ADCYAP1R1: variants seen among roughly 807,000 people sequenced by gnomAD.
ADCYAP1R1 encodes pituitary adenylate cyclase-activating polypeptide type I receptor.
Under a neutral mutation model 67.6 loss-of-function variants are expected in ADCYAP1R1, and 44 were observed. The ratio of observed to expected loss-of-function variants is 0.65; its 90% CI spans 0.51 to 0.84. The LOEUF (loss-of-function observed/expected upper bound fraction) is 0.84, where lower values mean the gene tolerates loss of function less well. Ranked by LOEUF, ADCYAP1R1 falls within the 40% of genes least tolerant of loss-of-function variation. The probability of loss-of-function intolerance (pLI) is 0.00; values close to 1 mark genes in which losing one functional copy is unlikely to be tolerated. For synonymous variants in ADCYAP1R1, 222 were observed against 219.6 expected (o/e 1.01, Z -0.10); for missense variants, 477 against 587.9 (o/e 0.81, Z 1.95).
chr7:31,068,800 C>G (rs530622300), intron 3 of ADCYAP1R1, among the ~76,000 whole-genome samples: 1 of 152,258 alleles, frequency 6.6e-6, no homozygotes, highest in African/African-American at 2.4e-5. Context: ...GGACTCCCCT[C>G]AAGGGCCTCA....
chr7:31,100,524 A>G (rs1310529385), intron 13 of ADCYAP1R1, among the ~76,000 whole-genome samples: 1 of 152,088 alleles, frequency 6.6e-6, no homozygotes, highest in African/African-American at 2.4e-5. Flanking sequence ...TCTGAGCTTC[A>G]GTGTTTTCAA....
intron 1 of ADCYAP1R1, among the ~76,000 whole-genome samples, chr7:31,056,013 G>C (rs566080147): frequency 6.6e-6 from 1 of 152,314 alleles, no homozygotes; most frequent in South Asian, 2.1e-4. Context: ...CAGTTCCTGA[G>C]CCCCCTTCAC....
In ADCYAP1R1 at chr7:31,078,955, G is replaced by A. The variant is rs1390795711; in HGVS notation, c.265+857G>A. ...GGGCATATCTGTGTTTGAGGTCTCTGAGGGCCACTGAAGTGCTGTGGAGAT... is the reference window on the plus strand; with the variant it reads ...GGGCATATCTGTGTTTGAGGTCTCTAAGGGCCACTGAAGTGCTGTGGAGAT... On this transcript the variant is annotated intron_variant, in intron 4 of 15. Coordinates refer to ENST00000304166, the MANE Select transcript of ADCYAP1R1 (RefSeq NM_001118.5). Among the ~76,000 whole-genome samples, 3 of 152,212 alleles carry A rather than the reference G, an allele frequency of 2.0e-5. No individual in the cohort carries two copies. The East Asian group carries it at 5.8e-4, about 29-fold the overall frequency.
intron 8 of ADCYAP1R1, 42 bp downstream of exon 8, chr7:31,084,876 C>G (rs776252221): frequency 5.7e-6 from 9 of 1,576,418 alleles, no homozygotes; most frequent in Non-Finnish European, 7.9e-6. Flanking sequence ...CAGAGCTGGC[C>G]AGGGCCTCAG....
At chr7:31,080,751 TCA>T (rs1174027099) in intron 5 of ADCYAP1R1, 118 bp downstream of exon 5, 1 of 1,020,654 alleles carries the variant, frequency 9.8e-7, no homozygotes, top group Non-Finnish European at 1.5e-6. Flanking sequence ...AGTAAGAGGC[TCA>T]CTGGGTATCA....
chr7:31,064,916 G>C lies in ADCYAP1R1; in HGVS notation c.137G>C (p.Gly46Ala), dbSNP rs1045144334. ...EKIQRANELM[G>A]FNDSSPGCPG... ...ATCCAGAGGGCCAATGAGCTGATGG[G>C]CTTCAATGATTCCTCTCCAGGTGAG... is the stretch of plus-strand genomic sequence containing the variant. Residue 46 changes from glycine to alanine, a missense_variant, in exon 3 of 16, where the codon GGC becomes GCC. Coordinates refer to ENST00000304166, the MANE Select transcript of ADCYAP1R1 (RefSeq NM_001118.5). 6.2e-7 allele frequency: 1 copy of C among 1,610,466 alleles called. No individual in the cohort carries two copies. The highest frequency in any genetic ancestry group is 1.7e-5 in the Admixed American group (1 of 59,796).
intron 3 of ADCYAP1R1, among the ~76,000 whole-genome samples, chr7:31,065,807 C>T (rs891708711): frequency 6.6e-6 from 1 of 152,194 alleles, no homozygotes; most frequent in Non-Finnish European, 1.5e-5. Flanking sequence ...AAGGGTAGGG[C>T]TCTCTGCTCA....
At chr7:31,085,188 T>C in intron 8 of ADCYAP1R1, 122 bp from the exon 9 acceptor site, 2 of 1,340,774 alleles carry the variant, frequency 1.5e-6, no homozygotes, top group South Asian at 2.8e-5. Flanking sequence ...GGAAGGAGGG[T>C]GGCCTGGGTG....
intron 3 of ADCYAP1R1, among the ~76,000 whole-genome samples, chr7:31,077,258 T>C (rs1383737380): frequency 1.3e-5 from 2 of 151,918 alleles, no homozygotes; most frequent in African/African-American, 4.8e-5. Flanking sequence ...TGTACATGTG[T>C]GATGTGTGTG....
rs1375592292 is a variant in ADCYAP1R1 at position 31,085,376 on chromosome 7, C to T, written c.603C>T (p.Ile201=). 1.9e-6 allele frequency: 3 copies of T among 1,613,964 alleles called. No individual in the cohort carries two copies. The highest frequency in any genetic ancestry group is 2.5e-6 in the Non-Finnish European group (3 of 1,180,020). ...NLFVSFMLRA[I]SVFIKDWILY... ...TTGTGTCGTTCATGCTGAGGGCGAT[C>T]TCCGTCTTCATCAAAGACTGGATTC... Residue 201 remains isoleucine (I), a synonymous_variant, in exon 9 of 16, where the codon ATC becomes ATT. Transcript: ENST00000304166.
intron 3 of ADCYAP1R1, among the ~76,000 whole-genome samples, chr7:31,070,291 C>T (rs1231607670): frequency 1.3e-5 from 2 of 152,226 alleles, no homozygotes; most frequent in Non-Finnish European, 2.9e-5. Context: ...CAGAAACCTT[C>T]CCTGCATCTA....
At chr7:31,077,695 G>GAT (rs1418874685) in intron 3 of ADCYAP1R1, among the ~76,000 whole-genome samples, 21 of 147,668 alleles carry the variant, frequency 1.4e-4, no homozygotes, top group African/African-American at 4.8e-4. Context: ...TGGTGTGTGT[G>GAT]GTGTGTGTGA....
intron 3 of ADCYAP1R1, among the ~76,000 whole-genome samples, chr7:31,075,558 C>T (rs186809528): frequency 6.6e-6 from 1 of 152,266 alleles, no homozygotes; most frequent in East Asian, 1.9e-4. Flanking sequence ...CTCCAGGGTT[C>T]CTTCCTCCAT....
chr7:31,068,978 C>T (rs1026621820), intron 3 of ADCYAP1R1, among the ~76,000 whole-genome samples: 21 of 152,344 alleles, frequency 1.4e-4, no homozygotes, highest in African/African-American at 5.0e-4. Context: ...CTACCCCTCT[C>T]ATCATACCTG....
intron 13 of ADCYAP1R1, among the ~76,000 whole-genome samples, chr7:31,094,544 G>T (rs1034093275): frequency 1.3e-5 from 2 of 152,172 alleles, no homozygotes; most frequent in Admixed American, 6.5e-5. Flanking sequence ...GGTAGGATTT[G>T]TTCTTCTACT....
At position 31,081,630 on chromosome 7, in the gene ADCYAP1R1, C is replaced by A. The variant is rs1795516502; in HGVS notation, c.287-83C>A. 16 of 1,167,044 alleles carry A rather than the reference C, an allele frequency of 1.4e-5. No individual in the cohort carries two copies. The South Asian group carries it at 2.1e-4, about 15-fold the overall frequency. 72.3% of individuals were successfully genotyped at this position (1,167,044 alleles called of 1,614,324 possible). ...CCTACTTCCTGTAGACCAGGGGTAG[C>A]CTGAGCCTTCCAGGGTGGAGAGTAA... On this transcript the variant is annotated intron_variant, in intron 5 of 15. Coordinates refer to ENST00000304166, the MANE Select transcript of ADCYAP1R1 (RefSeq NM_001118.5).
rs750760635 is a variant in ADCYAP1R1, at chr7:31,084,798, C to T, written c.500C>T (p.Thr167Ile). The change falls in exon 8 of 16, where the codon ACC becomes ATC. Residue 167 changes from threonine (T) to isoleucine (I), a missense_variant. Coordinates refer to ENST00000304166, the MANE Select transcript of ADCYAP1R1 (RefSeq NM_001118.5). Reference sequence around the variant, plus strand: ...GTTGGCTACAGCACATCCCTCGTCACCCTCACCACTGCCATGGTCATCCTT... The same window carrying T: ...GTTGGCTACAGCACATCCCTCGTCATCCTCACCACTGCCATGGTCATCCTT... ...YTVGYSTSLVTLTTAMVILCR... is the reference protein window; with the variant it reads ...YTVGYSTSLVILTTAMVILCR... 11 of 1,614,012 alleles carry T rather than the reference C, an allele frequency of 6.8e-6. No individual in the cohort carries two copies. Among genetic ancestry groups the T allele is most frequent in the Non-Finnish European group, 8.5e-6 (10 of 1,180,014 alleles).
intron 13 of ADCYAP1R1, among the ~76,000 whole-genome samples, chr7:31,101,222 A>G (rs566671214): frequency 6.6e-6 from 1 of 152,248 alleles, no homozygotes; most frequent in South Asian, 2.1e-4. Flanking sequence ...GTGCTGTGGG[A>G]TGCCCTCACT....
intron 3 of ADCYAP1R1, among the ~76,000 whole-genome samples, chr7:31,076,283 A>T (rs1262148475): frequency 6.6e-6 from 1 of 152,158 alleles, no homozygotes; most frequent in African/African-American, 2.4e-5. Context: ...GGCAGTGAAG[A>T]GGTCGCTGGT....
Sources: allele counts gnomAD v4.1 joint callset (sites outside exome capture counted in the v4.1 genomes callset), GRCh38; gene constraint gnomAD v4.1.1; transcripts MANE v1.5; gene names NCBI Gene and HGNC (gene_info 2026-07-23, HGNC 2026-07-21).